Variants in RABGAP1L observed in about 807,000 individuals in gnomAD.
RABGAP1L encodes the protein rab GTPase-activating protein 1-like.
RABGAP1L carries 63 observed loss-of-function variants against 137.7 expected under a neutral mutation model. That is an observed-to-expected ratio of 0.46 (90% CI 0.37 to 0.56). The LOEUF (loss-of-function observed/expected upper bound fraction) is 0.56. Ranked by LOEUF, RABGAP1L falls within the 20% of genes least tolerant of loss-of-function variation. RABGAP1L has a pLI of 0.00. For missense variants in RABGAP1L, 1,095 were observed against 1,244.0 expected, an observed-to-expected ratio of 0.88 and a Z score of 1.80; for synonymous variants, 431 against 433.7, an observed-to-expected ratio of 0.99 and a Z score of 0.08.
chr1:174,620,944 A>C (rs1022535292), intron 13 of RABGAP1L, among the ~76,000 whole-genome samples: 30 of 152,186 alleles, frequency 2.0e-4, no homozygotes, highest in Non-Finnish European at 2.5e-4. Context: ...AAAAAATGAT[A>C]AAGGGGATAT....
At chr1:174,354,848 G>A (rs1228878989) in intron 11 of RABGAP1L, among the ~76,000 whole-genome samples, 5 of 152,198 alleles carry the variant, frequency 3.3e-5, no homozygotes, top group Non-Finnish European at 5.9e-5. Context: ...TAAGGTGTAA[G>A]GAAGGGATCC....
intron 13 of RABGAP1L, among the ~76,000 whole-genome samples, chr1:174,543,625 G>T (rs923414751): frequency 2.0e-5 from 3 of 152,174 alleles, no homozygotes; most frequent in Non-Finnish European, 2.9e-5. Flanking sequence ...GTGTGAATTT[G>T]AGCCTGTCAT....
chr1:174,575,754 T>A (rs1440830416), intron 13 of RABGAP1L, among the ~76,000 whole-genome samples: 1 of 152,196 alleles, frequency 6.6e-6, no homozygotes, highest in Non-Finnish European at 1.5e-5. Context: ...AGCGGGGCTC[T>A]CTTTCTTTTC....
At chr1:174,943,920 T>A (rs1558263201) in intron 19 of RABGAP1L, among the ~76,000 whole-genome samples, 1 of 152,198 alleles carries the variant, frequency 6.6e-6, no homozygotes, top group South Asian at 2.1e-4. Context: ...ACCTGCTACA[T>A]AGTAAATAGT....
At chr1:174,502,821 G>A (rs1040126801) in intron 13 of RABGAP1L, among the ~76,000 whole-genome samples, 2 of 151,828 alleles carry the variant, frequency 1.3e-5, no homozygotes, top group Non-Finnish European at 2.9e-5. Flanking sequence ...AAATGACACA[G>A]TTACTAACTC....
chr1:174,367,316 T>A (rs1684729165), intron 11 of RABGAP1L: 1 of 154,398 alleles, frequency 6.5e-6, no homozygotes, highest in Non-Finnish European at 1.4e-5. Context: ...TTAATCATGG[T>A]TTCTCAGTTG....
chr1:174,742,279 AGGCCAAGGCAGGT>A (rs67283133), intron 17 of RABGAP1L, among the ~76,000 whole-genome samples: 56,049 of 150,994 alleles, frequency 0.37, 13,791 homozygotes, highest in African/African-American at 0.7. Context: ...GCACTTTAGG[AGGCCAAGGCAGGT>A]GGATCACTTG....
At chr1:174,316,142 T>C (rs1204886803) in intron 11 of RABGAP1L, among the ~76,000 whole-genome samples, 1 of 152,232 alleles carries the variant, frequency 6.6e-6, no homozygotes. Context: ...ATTCCTTCTT[T>C]GTGTTATCTT....
intron 3 of RABGAP1L, 124 bp from the exon 4 acceptor site, chr1:174,231,021 G>A (rs1670602924): frequency 1.5e-6 from 1 of 661,340 alleles, no homozygotes; most frequent in Admixed American, 3.0e-5. Flanking sequence ...TATAAAAGGA[G>A]TGAAAATACA....
intron 20 of RABGAP1L, among the ~76,000 whole-genome samples, chr1:174,961,532 T>G (rs1669085023): frequency 6.6e-6 from 1 of 152,102 alleles, no homozygotes; most frequent in African/African-American, 2.4e-5. Context: ...TTTGCACAAA[T>G]GTGAGTTAAG....
chr1:174,652,411 C>T (rs370451758), intron 14 of RABGAP1L, among the ~76,000 whole-genome samples: 38 of 152,142 alleles, frequency 2.5e-4, no homozygotes, highest in African/African-American at 6.5e-4. Context: ...AGCCTTTTTC[C>T]GCTGGTTTTT....
At chr1:174,320,940 G>T (rs1046082621) in intron 11 of RABGAP1L, among the ~76,000 whole-genome samples, 3 of 152,170 alleles carry the variant, frequency 2.0e-5, no homozygotes, top group Admixed American at 6.6e-5. Context: ...CTGACTGCCT[G>T]GGAGTCGGGT....
chr1:174,317,428 T>C (rs1447104934), intron 11 of RABGAP1L, among the ~76,000 whole-genome samples: 1 of 152,068 alleles, frequency 6.6e-6, no homozygotes, highest in Non-Finnish European at 1.5e-5. Context: ...AGGTTGTATC[T>C]AGAAATGTCT....
intron 14 of RABGAP1L, among the ~76,000 whole-genome samples, chr1:174,662,267 C>G (rs1340124282): frequency 6.6e-6 from 1 of 151,992 alleles, no homozygotes; most frequent in Non-Finnish European, 1.5e-5. Flanking sequence ...CCACGCCCAA[C>G]TAATTTTTGT....
intron 1 of RABGAP1L, among the ~76,000 whole-genome samples, chr1:174,164,089 C>G (rs918756209): frequency 6.6e-6 from 1 of 151,560 alleles, no homozygotes; most frequent in Admixed American, 6.6e-5. Context: ...TATGGATTTC[C>G]TCCTCTTACC....
chr1:174,357,670 G>T (rs996895027), intron 11 of RABGAP1L, among the ~76,000 whole-genome samples: 2 of 152,186 alleles, frequency 1.3e-5, no homozygotes, highest in African/African-American at 2.4e-5. Flanking sequence ...GGAAATGGAG[G>T]TTGATAAAGG....
At chr1:174,208,364 G>T (rs1368355868) in intron 1 of RABGAP1L, among the ~76,000 whole-genome samples, 1 of 151,408 alleles carries the variant, frequency 6.6e-6, no homozygotes, top group African/African-American at 2.4e-5. Context: ...ATCTGTATAC[G>T]TTTTATTTCT....
chr1:174,800,230 C>T (rs1016240099), intron 18 of RABGAP1L: 18 of 1,430,364 alleles, frequency 1.3e-5, no homozygotes, highest in South Asian at 6.2e-5. Flanking sequence ...CTGGCTTGTA[C>T]GTCCTCCCAG....
intron 12 of RABGAP1L, among the ~76,000 whole-genome samples, chr1:174,374,945 A>G (rs1462709751): frequency 2.0e-5 from 3 of 152,148 alleles, no homozygotes; most frequent in Non-Finnish European, 4.4e-5. Flanking sequence ...GGAATTTACA[A>G]TAACAGTCTG....
Sources: allele counts gnomAD v4.1 joint callset (sites outside exome capture counted in the v4.1 genomes callset), GRCh38; gene constraint gnomAD v4.1.1; transcripts MANE v1.5; gene names NCBI Gene and HGNC (gene_info 2026-07-23, HGNC 2026-07-21).